Variants in RBMS3 observed in about 807,000 individuals in gnomAD.
The protein encoded by RBMS3 is RNA-binding motif, single-stranded-interacting protein 3.
In RBMS3, 27 loss-of-function variants were observed where a neutral mutation model predicts 66.8. That is an observed-to-expected ratio of 0.40 (90% CI 0.30 to 0.56). RBMS3 has a LOEUF of 0.56. Ranked by LOEUF, RBMS3 falls within the 20% of genes least tolerant of loss-of-function variation. The pLI, the probability that RBMS3 is intolerant of heterozygous loss-of-function variation, is 0.40. For missense variants in RBMS3, 513 were observed against 549.5 expected, an observed-to-expected ratio of 0.93 and a Z score of 0.66; for synonymous variants, 188 against 183.0, an observed-to-expected ratio of 1.03 and a Z score of -0.22.
intron 5 of RBMS3, among the ~76,000 whole-genome samples, chr3:29,759,275 T>C (rs112510829): frequency 1.1e-3 from 168 of 152,270 alleles, no homozygotes; most frequent in Non-Finnish European, 2.0e-3. Flanking sequence ...GCCAGTGTCC[T>C]AGGTACTGAG....
chr3:29,928,656 G>A (rs923519081), intron 10 of RBMS3, among the ~76,000 whole-genome samples: 3 of 152,098 alleles, frequency 2.0e-5, no homozygotes, highest in African/African-American at 4.8e-5. Context: ...GTAAACTACA[G>A]CAGTTTACAT....
At chr3:29,618,518 G>GA (rs200714787) in intron 4 of RBMS3, among the ~76,000 whole-genome samples, 2,888 of 147,018 alleles carry the variant, frequency 0.02, 100 homozygotes, top group African/African-American at 0.068. Flanking sequence ...AAAAAAGAAA[G>GA]AAAAAAAAAA....
rs75983358 is a variant in RBMS3, at chr3:29,599,723, G to A, written c.399+12518G>A. On this transcript the variant is annotated intron_variant, in intron 4 of 14. Coordinates refer to ENST00000383767, the MANE Select transcript of RBMS3 (RefSeq NM_001003793.3). The stretch of plus-strand genomic sequence containing the variant: ...GTTAACTAAAAAGGAACAAAACCTA[G>A]CTCTTCGTATATATTCAATATAGGG... 6.8e-3 allele frequency among the ~76,000 whole-genome samples: 1,035 copies of A among 152,182 alleles called. 29 individuals carry two copies. Among genetic ancestry groups the A allele is most frequent in the Admixed American group, 0.055 (832 of 15,238 alleles).
At chr3:29,778,719 C>G (rs1159868376) in intron 6 of RBMS3, among the ~76,000 whole-genome samples, 1 of 151,738 alleles carries the variant, frequency 6.6e-6, no homozygotes, top group Non-Finnish European at 1.5e-5. Context: ...CCTCAATTTC[C>G]CCTTTGGTAA....
intron 1 of RBMS3, among the ~76,000 whole-genome samples, chr3:29,322,296 A>G (rs2035053970): frequency 6.6e-6 from 1 of 152,082 alleles, no homozygotes; most frequent in African/African-American, 2.4e-5. Flanking sequence ...ATCTAGTAAA[A>G]ATGTTGTCTG....
intron 3 of RBMS3, among the ~76,000 whole-genome samples, chr3:29,555,418 A>C (rs1008709622): frequency 3.9e-5 from 6 of 152,170 alleles, no homozygotes; most frequent in Non-Finnish European, 7.4e-5. Context: ...TCTTGTCTAC[A>C]AACAGAAACA....
intron 2 of RBMS3, among the ~76,000 whole-genome samples, chr3:29,476,852 C>T (rs2042966300): frequency 6.6e-6 from 1 of 152,126 alleles, no homozygotes; most frequent in Non-Finnish European, 1.5e-5. Context: ...ATGAAGCATG[C>T]ATTCTTGTAT....
rs2059421183 is a variant in RBMS3 at position 29,868,853 on chromosome 3, C to G, written c.638-5C>G. 1.3e-6 allele frequency: 2 copies of G among 1,587,846 alleles called. No individual in the cohort carries two copies. Among genetic ancestry groups the G allele is most frequent in the Non-Finnish European group, 1.7e-6 (2 of 1,164,806 alleles). On this transcript the variant is annotated splice_region_variant and splice_polypyrimidine_tract_variant and intron_variant, in intron 6 of 14. Coordinates refer to ENST00000383767, the MANE Select transcript of RBMS3 (RefSeq NM_001003793.3). ...TAATGTAGAATTGGTTTCTTATCTTCCCAGCCCCCAGTGAGCCTTTGCTGT... is the reference window on the plus strand; with the variant it reads ...TAATGTAGAATTGGTTTCTTATCTTGCCAGCCCCCAGTGAGCCTTTGCTGT...
chr3:29,473,540 C>A (rs186962811), intron 2 of RBMS3, among the ~76,000 whole-genome samples: 57 of 152,324 alleles, frequency 3.7e-4, no homozygotes, highest in African/African-American at 1.3e-3. Flanking sequence ...TGGGACTGGG[C>A]GCCGTGGAAC....
intron 4 of RBMS3, among the ~76,000 whole-genome samples, chr3:29,685,017 G>A (rs567611427): frequency 2.0e-4 from 30 of 151,758 alleles, no homozygotes; most frequent in African/African-American, 7.3e-4. Context: ...TTTTTCAGGG[G>A]TAAAACAGTT....
At chr3:29,420,657 G>A (rs1046165899) in intron 1 of RBMS3, among the ~76,000 whole-genome samples, 6 of 149,680 alleles carry the variant, frequency 4.0e-5, no homozygotes, top group Admixed American at 2.7e-4. Flanking sequence ...CAGAATACTT[G>A]CACACCACTA....
chr3:29,783,562 AAACCC>A (rs2056715034), intron 6 of RBMS3, among the ~76,000 whole-genome samples: 1 of 152,182 alleles, frequency 6.6e-6, no homozygotes, highest in Non-Finnish European at 1.5e-5. Flanking sequence ...ATCTTGAAAT[AAACCC>A]CTCAAAAATA....
intron 3 of RBMS3, among the ~76,000 whole-genome samples, chr3:29,490,039 T>G (rs1018171346): frequency 3.4e-5 from 3 of 89,440 alleles, no homozygotes; most frequent in Non-Finnish European, 6.0e-5. Flanking sequence ...CAAGACTCCC[T>G]CTCAAAAAAA....
At chr3:29,383,502 G>A (rs1004425149) in intron 1 of RBMS3, among the ~76,000 whole-genome samples, 3 of 152,112 alleles carry the variant, frequency 2.0e-5, no homozygotes, top group East Asian at 1.9e-4. Flanking sequence ...TTGCCAAGAA[G>A]GGTAAAAAAA....
intron 3 of RBMS3, among the ~76,000 whole-genome samples, chr3:29,511,948 G>C (rs1203864714): frequency 6.6e-6 from 1 of 152,030 alleles, no homozygotes; most frequent in Non-Finnish European, 1.5e-5. Flanking sequence ...AAAGTAAAAG[G>C]CAAGCGTTCC....
intron 3 of RBMS3, among the ~76,000 whole-genome samples, chr3:29,535,385 G>C (rs1356023582): frequency 1.3e-5 from 2 of 152,024 alleles, no homozygotes; most frequent in African/African-American, 4.8e-5. Context: ...CCCATTAAAA[G>C]TTTTTCATTA....
chr3:29,754,732 T>C (rs2055330841), intron 5 of RBMS3, among the ~76,000 whole-genome samples: 1 of 152,206 alleles, frequency 6.6e-6, no homozygotes, highest in South Asian at 2.1e-4. Context: ...TTAGCAATAG[T>C]TACAAGTGGG....
chr3:29,777,200 T>A (rs1472545995), intron 6 of RBMS3, among the ~76,000 whole-genome samples: 1 of 151,902 alleles, frequency 6.6e-6, no homozygotes, highest in Non-Finnish European at 1.5e-5. Context: ...TCCTTAACTC[T>A]CACTGTACGG....
chr3:29,704,336 G>A (rs2052775421), intron 4 of RBMS3, among the ~76,000 whole-genome samples: 2 of 151,960 alleles, frequency 1.3e-5, no homozygotes, highest in African/African-American at 4.8e-5. Flanking sequence ...ACACATGTGT[G>A]TATTCCAGAA....
Sources: gnomAD v4.1 joint callset for allele counts (sites outside exome capture counted in the v4.1 genomes callset) on GRCh38, gnomAD v4.1.1 for gene constraint, MANE v1.5 for transcripts, NCBI Gene and HGNC (gene_info 2026-07-23, HGNC 2026-07-21) for gene names.